Variants in PPFIA2 observed in about 807,000 individuals in gnomAD.
PPFIA2 encodes PPFI scaffold protein A2.
A neutral mutation model predicts 175.5 loss-of-function variants in PPFIA2; 46 were observed. The ratio of observed to expected loss-of-function variants is 0.26; its 90% CI spans 0.21 to 0.34. The LOEUF (loss-of-function observed/expected upper bound fraction) is 0.34. Among genes scored for constraint, PPFIA2 ranks in the 10% least tolerant of loss-of-function variants. PPFIA2 has a pLI of 1.00. For synonymous variants in PPFIA2, 568 were observed against 511.4 expected (o/e 1.11, Z -1.49); for missense variants, 1,179 against 1,506.1 (o/e 0.78, Z 3.60).
At chr12:81,333,716 T>TG (rs753464647) in intron 21 of PPFIA2, among the ~76,000 whole-genome samples, 108 of 152,144 alleles carry the variant, frequency 7.1e-4, no homozygotes, top group Admixed American at 1.2e-3. Flanking sequence ...CTATTTTTGG[T>TG]GGGGGGGATA....
chr12:81,291,732 G>A (rs776000642), intron 24 of PPFIA2, among the ~76,000 whole-genome samples: 5 of 151,932 alleles, frequency 3.3e-5, no homozygotes, highest in Non-Finnish European at 7.4e-5. Flanking sequence ...GGCTTTGGGG[G>A]CTCAGCAAAA....
intron 4 of PPFIA2, among the ~76,000 whole-genome samples, chr12:81,654,643 G>C (rs1406995801): frequency 6.6e-6 from 1 of 152,026 alleles, no homozygotes; most frequent in Non-Finnish European, 1.5e-5. Context: ...GAGCTCCAAA[G>C]GAGACCGTAA....
At chr12:81,317,197 A>C (rs2052577838) in intron 22 of PPFIA2, among the ~76,000 whole-genome samples, 1 of 151,668 alleles carries the variant, frequency 6.6e-6, no homozygotes, top group African/African-American at 2.4e-5. Flanking sequence ...AAGAGTAATC[A>C]GGAACAAAAC....
chr12:81,367,877 C>T (rs955146779), intron 13 of PPFIA2, among the ~76,000 whole-genome samples: 7 of 151,540 alleles, frequency 4.6e-5, no homozygotes, highest in Non-Finnish European at 1.5e-5. Flanking sequence ...TAAAATTAAA[C>T]TAAGAGTGTA....
chr12:81,421,065 C>A (rs945029914), intron 7 of PPFIA2, among the ~76,000 whole-genome samples: 3 of 151,994 alleles, frequency 2.0e-5, no homozygotes, highest in Admixed American at 1.3e-4. Flanking sequence ...ATATATCCAA[C>A]AAAATTATTC....
chr12:81,462,808 G>A (rs1033288753), intron 4 of PPFIA2, among the ~76,000 whole-genome samples: 7 of 151,672 alleles, frequency 4.6e-5, no homozygotes, highest in Middle Eastern at 3.2e-3. Context: ...TAGAATGAAT[G>A]AGAGCATATG....
At chr12:81,441,513 C>A (rs1015446849) in intron 6 of PPFIA2, among the ~76,000 whole-genome samples, 1 of 152,052 alleles carries the variant, frequency 6.6e-6, no homozygotes, top group Non-Finnish European at 1.5e-5. Context: ...AAGTATCATT[C>A]CTGTTAGACA....
chr12:81,486,259 G>GTGCCTTACA (rs1306568353), intron 4 of PPFIA2, among the ~76,000 whole-genome samples: 1 of 151,736 alleles, frequency 6.6e-6, no homozygotes, highest in South Asian at 2.1e-4. Context: ...GATTTTCTCA[G>GTGCCTTACA]TGCCTTACAT....
chr12:81,259,698 G>A (rs1244336651), intron 32 of PPFIA2, 38 bp from the exon 33 acceptor site: 4 of 1,524,054 alleles, frequency 2.6e-6, no homozygotes, highest in Non-Finnish European at 3.5e-6. Context: ...TCACTGAAAA[G>A]TCCCAGACTG....
chr12:81,326,720 A>C (rs1294039293), intron 21 of PPFIA2, among the ~76,000 whole-genome samples: 1 of 152,138 alleles, frequency 6.6e-6, no homozygotes, highest in African/African-American at 2.4e-5. Context: ...TTGTAATTGA[A>C]AAATAAGGAC....
At chr12:81,555,584 G>T (rs1209863100) in intron 4 of PPFIA2, among the ~76,000 whole-genome samples, 1 of 151,914 alleles carries the variant, frequency 6.6e-6, no homozygotes, top group East Asian at 1.9e-4. Context: ...GAGGAGAAAA[G>T]AAATATTTAG....
intron 4 of PPFIA2, among the ~76,000 whole-genome samples, chr12:81,670,760 A>T (rs1269743550): frequency 2.6e-5 from 4 of 151,958 alleles, no homozygotes; most frequent in Non-Finnish European, 4.4e-5. Context: ...CAATGAACAT[A>T]GTTTGTGAAC....
At chr12:81,684,527 T>C (rs562286075) in intron 3 of PPFIA2, among the ~76,000 whole-genome samples, 2 of 152,254 alleles carry the variant, frequency 1.3e-5, no homozygotes, top group African/African-American at 2.4e-5. Context: ...TTTTTACATA[T>C]ATAAAAAGCT....
chr12:81,662,984 CT>C (rs2069243533), intron 4 of PPFIA2, among the ~76,000 whole-genome samples: 1 of 152,142 alleles, frequency 6.6e-6, no homozygotes, highest in African/African-American at 2.4e-5. Flanking sequence ...CAGAAAAGGC[CT>C]TTGACAAAAT....
intron 4 of PPFIA2, among the ~76,000 whole-genome samples, chr12:81,533,111 A>G (rs2064831527): frequency 6.6e-6 from 1 of 151,714 alleles, no homozygotes; most frequent in Non-Finnish European, 1.5e-5. Context: ...ATCCAGTGTT[A>G]CCAATATCTT....
intron 22 of PPFIA2, chr12:81,302,715 T>G: frequency 2.2e-6 from 1 of 452,606 alleles, no homozygotes; most frequent in Admixed American, 2.4e-5. Flanking sequence ...GAAGTAACAA[T>G]TATTTAAAAA....
At chr12:81,595,452 G>A (rs1257505005) in intron 4 of PPFIA2, among the ~76,000 whole-genome samples, 1 of 152,008 alleles carries the variant, frequency 6.6e-6, no homozygotes, top group Non-Finnish European at 1.5e-5. Context: ...TTGATGAGAA[G>A]TCATTCATTA....
chr12:81,491,612 C>T (rs2059427956), intron 4 of PPFIA2, among the ~76,000 whole-genome samples: 1 of 151,876 alleles, frequency 6.6e-6, no homozygotes, highest in African/African-American at 2.4e-5. Flanking sequence ...CGCTCTCTCT[C>T]TGTGCCACGT....
At chr12:81,341,821 G>T (rs983423286) in intron 19 of PPFIA2, among the ~76,000 whole-genome samples, 1 of 151,966 alleles carries the variant, frequency 6.6e-6, no homozygotes, top group African/African-American at 2.4e-5. Context: ...CTAACATATA[G>T]CATTATACAT....
Sources: gnomAD v4.1 joint callset for allele counts (sites outside exome capture counted in the v4.1 genomes callset) on GRCh38, gnomAD v4.1.1 for gene constraint, MANE v1.5 for transcripts, NCBI Gene and HGNC (gene_info 2026-07-23, HGNC 2026-07-21) for gene names.